The following RBFOX3 variants were observed in gnomAD, a reference collection of about 807,000 sequenced individuals.
RBFOX3 encodes RNA binding fox-1 homolog 3.
A neutral mutation model predicts 48.7 loss-of-function variants in RBFOX3; 17 were observed. The ratio of observed to expected loss-of-function variants is 0.35; its 90% CI spans 0.24 to 0.52. The LOEUF is 0.52. RBFOX3 is among the 20% of genes least tolerant of loss of function. The pLI is 0.94. For missense variants in RBFOX3, 382 were observed against 497.5 expected, an observed-to-expected ratio of 0.77 and a Z score of 2.21; for synonymous variants, 212 against 209.5, an observed-to-expected ratio of 1.01 and a Z score of -0.10.
intron 4 of RBFOX3, among the ~76,000 whole-genome samples, chr17:79,122,606 G>A (rs907679452): frequency 4.6e-5 from 7 of 152,192 alleles, no homozygotes; most frequent in Non-Finnish European, 8.8e-5. Flanking sequence ...CACTGCTGGC[G>A]GGAATATAAA....
chr17:79,590,004 G>A (rs2093369719), intron 1 of RBFOX3, among the ~76,000 whole-genome samples: 1 of 152,166 alleles, frequency 6.6e-6, no homozygotes. Flanking sequence ...CAGGGAAGGT[G>A]CCCTCCACCC....
rs527892827 is a variant in RBFOX3 at position 79,416,389 on chromosome 17, C to T, written c.-175+66065G>A. On this transcript the variant is annotated intron_variant, in intron 2 of 14. Transcript: ENST00000693108. ...CCCAAAGCCTCCTCCCTAGCAGACC[C>T]GCCAGCTCTCCTGCTAGGCATAGTA... 8.5e-5 allele frequency among the ~76,000 whole-genome samples: 13 copies of T among 152,352 alleles called. No individual in the cohort carries two copies. The East Asian group carries it at 9.6e-4, about 11-fold the overall frequency.
intron 2 of RBFOX3, among the ~76,000 whole-genome samples, chr17:79,309,858 CCGCCA>C (rs1296705369): frequency 6.6e-6 from 1 of 152,188 alleles, no homozygotes; most frequent in Non-Finnish European, 1.5e-5. Flanking sequence ...CCTTCGCCTT[CCGCCA>C]CGATTGTAAG....
chr17:79,341,470 G>A (rs1017575586), intron 2 of RBFOX3, among the ~76,000 whole-genome samples: 8 of 152,122 alleles, frequency 5.3e-5, no homozygotes, highest in African/African-American at 1.9e-4. Flanking sequence ...AACTAATTGA[G>A]TTCGTGGGAG....
intron 3 of RBFOX3, among the ~76,000 whole-genome samples, chr17:79,248,240 G>GTT (rs1156264022): frequency 5.4e-5 from 8 of 148,652 alleles, no homozygotes; most frequent in African/African-American, 2.0e-4. Flanking sequence ...GTGTGTGTGT[G>GTT]TTTTTTTTTT....
intron 4 of RBFOX3, among the ~76,000 whole-genome samples, chr17:79,224,340 C>T (rs1028746880): frequency 2.6e-5 from 4 of 152,194 alleles, no homozygotes; most frequent in East Asian, 1.9e-4. Context: ...ATCTTAGTTC[C>T]GCCATCTGAG....
At chr17:79,192,681 C>A (rs1011855935) in intron 4 of RBFOX3, among the ~76,000 whole-genome samples, 1 of 152,150 alleles carries the variant, frequency 6.6e-6, no homozygotes, top group African/African-American at 2.4e-5. Context: ...AGACCGTCAG[C>A]ACCAGGGACA....
intron 4 of RBFOX3, among the ~76,000 whole-genome samples, chr17:79,169,108 G>A (rs146813555): frequency 1.3e-5 from 2 of 151,852 alleles, no homozygotes; most frequent in African/African-American, 2.4e-5. Flanking sequence ...TGCACAGGGC[G>A]GATCCGTGGG....
chr17:79,106,867 G>C, intron 5 of RBFOX3, 79 bp from the exon 6 acceptor site: 5 of 1,399,954 alleles, frequency 3.6e-6, no homozygotes, highest in Non-Finnish European at 4.6e-6. Context: ...GGTCGGCAGA[G>C]TCTAAAGGCC....
chr17:79,657,580 G>A, the RBFOX3 span, among the ~76,000 whole-genome samples: 2 of 152,328 alleles, frequency 1.3e-5, no homozygotes, highest in East Asian at 3.9e-4. Context: ...TCAGGAGGCT[G>A]AGGCAGGAGA....
the RBFOX3 span, among the ~76,000 whole-genome samples, chr17:79,656,749 AGAAGGAAG>A: frequency 1.2e-4 from 6 of 51,930 alleles, no homozygotes; most frequent in Admixed American, 2.4e-4. Context: ...AAAGAAAGAA[AGAAGGAAG>A]GAAGGAAGGA....
chr17:79,370,495 C>A (rs1388787963), intron 2 of RBFOX3, among the ~76,000 whole-genome samples: 1 of 151,954 alleles, frequency 6.6e-6, no homozygotes, highest in Non-Finnish European at 1.5e-5. Flanking sequence ...CTCACTCACA[C>A]AGGCACACAC....
intron 2 of RBFOX3, among the ~76,000 whole-genome samples, chr17:79,332,713 AAGAC>A (rs140797128): frequency 0.051 from 6,721 of 133,036 alleles, 158 homozygotes; most frequent in East Asian, 0.094. Context: ...GAGAGACAGA[AAGAC>A]AGAGCCTGAG....
At chr17:79,274,117 G>A (rs544155406) in intron 3 of RBFOX3, among the ~76,000 whole-genome samples, 6 of 152,258 alleles carry the variant, frequency 3.9e-5, no homozygotes, top group South Asian at 2.1e-4. Context: ...TGCCCTGGCC[G>A]GTCCTCCCAC....
chr17:79,280,847 G>GGA (rs2070280263), intron 3 of RBFOX3, among the ~76,000 whole-genome samples: 1 of 147,394 alleles, frequency 6.8e-6, no homozygotes, highest in Non-Finnish European at 1.5e-5. Context: ...ATTGTGGGGG[G>GGA]GGGGAGGGGA....
intron 3 of RBFOX3, among the ~76,000 whole-genome samples, chr17:79,255,963 C>G (rs561252913): frequency 6.6e-6 from 1 of 151,626 alleles, no homozygotes; most frequent in South Asian, 2.1e-4. Flanking sequence ...CCTCCCCAGC[C>G]AACTCCCTCG....
chr17:79,463,788 C>A (rs577419584), intron 2 of RBFOX3, among the ~76,000 whole-genome samples: 1 of 151,668 alleles, frequency 6.6e-6, no homozygotes, highest in East Asian at 1.9e-4. Context: ...GCCACCTCCA[C>A]CACCATCTCC....
chr17:79,366,577 G>A (rs1446863128), intron 2 of RBFOX3, among the ~76,000 whole-genome samples: 3 of 152,166 alleles, frequency 2.0e-5, no homozygotes, highest in Non-Finnish European at 1.5e-5. Context: ...GTCTGCCGGC[G>A]AGAGAGCCAG....
At chr17:79,284,360 A>G (rs28607597) in intron 3 of RBFOX3, among the ~76,000 whole-genome samples, 29,872 of 152,186 alleles carry the variant, frequency 0.2, 3,086 homozygotes, top group Middle Eastern at 0.31. Context: ...ACTTTCTTCA[A>G]TGTTTTGTTA....
Sources: gnomAD v4.1 joint callset for allele counts (sites outside exome capture counted in the v4.1 genomes callset) on GRCh38, gnomAD v4.1.1 for gene constraint, MANE v1.5 for transcripts, NCBI Gene and HGNC (gene_info 2026-07-23, HGNC 2026-07-21) for gene names.